Variants in CCN4 observed in about 807,000 individuals in gnomAD.
The protein encoded by CCN4 is CCN family member 4.
A neutral mutation model predicts 36.7 loss-of-function variants in CCN4; 30 were observed. The ratio of observed to expected loss-of-function variants is 0.82; its 90% CI spans 0.61 to 1.11. The LOEUF (loss-of-function observed/expected upper bound fraction) is 1.11. Among genes scored for constraint, CCN4 ranks in the 50% least tolerant of loss-of-function variants. The pLI is 0.00. For synonymous variants in CCN4, 191 were observed against 195.4 expected, an observed-to-expected ratio of 0.98 and a Z score of 0.19; for missense variants, 505 against 504.9, an observed-to-expected ratio of 1.00 and a Z score of 0.00.
intron 1 of CCN4, among the ~76,000 whole-genome samples, chr8:133,212,181 A>T (rs916632724): frequency 6.6e-6 from 1 of 152,068 alleles, no homozygotes; most frequent in Non-Finnish European, 1.5e-5. Flanking sequence ...CATTGCCCTG[A>T]CAGCAAAATA....
chr8:133,214,914 T>C (rs1463101517), intron 2 of CCN4, among the ~76,000 whole-genome samples: 1 of 152,238 alleles, frequency 6.6e-6, no homozygotes, highest in East Asian at 1.9e-4. Context: ...GAGGGTTATG[T>C]ACATCATTTG....
intron 1 of CCN4, among the ~76,000 whole-genome samples, chr8:133,196,433 A>G (rs570587570): frequency 3.3e-5 from 5 of 152,350 alleles, no homozygotes; most frequent in Admixed American, 6.5e-5. Context: ...GTTAAACACA[A>G]TCTATTATTC....
At chr8:133,204,957 C>A (rs1853715514) in intron 1 of CCN4, among the ~76,000 whole-genome samples, 1 of 152,230 alleles carries the variant, frequency 6.6e-6, no homozygotes, top group Non-Finnish European at 1.5e-5. Context: ...TCCTCCCAGG[C>A]CCCTTAGGTT....
At chr8:133,198,010 G>A (rs78274817) in intron 1 of CCN4, among the ~76,000 whole-genome samples, 3,433 of 152,218 alleles carry the variant, frequency 0.023, 75 homozygotes, top group Non-Finnish European at 0.032. Flanking sequence ...GAAGACCAGG[G>A]GGAAATAGCT....
chr8:133,205,634 T>C (rs2130555031), intron 1 of CCN4, among the ~76,000 whole-genome samples: 2 of 152,284 alleles, frequency 1.3e-5, no homozygotes. Flanking sequence ...GGCTCCTGCC[T>C]GTGGCTGGGG....
chr8:133,221,941 GA>G (rs1043242613), intron 3 of CCN4, among the ~76,000 whole-genome samples: 1 of 151,432 alleles, frequency 6.6e-6, no homozygotes, highest in African/African-American at 2.4e-5. Context: ...TGGATGGATG[GA>G]TAGATGTATA....
chr8:133,213,587 C>T (rs781488648), intron 2 of CCN4, among the ~76,000 whole-genome samples: 2 of 151,622 alleles, frequency 1.3e-5, no homozygotes, highest in Non-Finnish European at 2.9e-5. Flanking sequence ...TGAAAATCAG[C>T]AGCCTGCAGT....
chr8:133,230,337 GA>G lies in CCN4; in HGVS notation c.*2634del, dbSNP rs966554223. 1.3e-5 allele frequency: 2 copies of G among 152,124 alleles called. No individual in the cohort carries two copies. The highest frequency in any genetic ancestry group is 4.8e-5 in the African/African-American group (2 of 41,422). The allele number at this position is 152,124 out of a possible 1,614,324, so 9.4% of individuals were successfully genotyped here. ...AAAATTAAGAATAATAAATATAATG[GA>G]AAAAAATCTCCACTGATTGAGTGTT... On this transcript the variant is annotated 3_prime_UTR_variant, in exon 5 of 5. Transcript: ENST00000250160.
At chr8:133,203,302 G>T (rs1853655970) in intron 1 of CCN4, among the ~76,000 whole-genome samples, 1 of 152,214 alleles carries the variant, frequency 6.6e-6, no homozygotes. Context: ...TTCCCAGGGG[G>T]TGAGGACCCT....
chr8:133,196,995 A>G lies in CCN4; in HGVS notation c.69+5782A>G, dbSNP rs79354194. ...GGCATGTGTTCTAAAGATCCCACAG[A>G]TTCCATAGCCTGGCCAGCTTACCTG... On this transcript the variant is annotated intron_variant, in intron 1 of 4. Coordinates refer to ENST00000250160, the MANE Select transcript of CCN4 (RefSeq NM_003882.4). 1.2e-4 allele frequency among the ~76,000 whole-genome samples: 18 copies of G among 152,262 alleles called. 1 individual carries two copies. Among genetic ancestry groups the G allele is most frequent in the Non-Finnish European group, 2.6e-4 (18 of 68,032 alleles).
At chr8:133,226,999 G>A (rs1044115385) in intron 4 of CCN4, among the ~76,000 whole-genome samples, 5 of 152,198 alleles carry the variant, frequency 3.3e-5, no homozygotes, top group Non-Finnish European at 7.3e-5. Flanking sequence ...CAGGAGGGGC[G>A]GTTAGGGCAA....
At chr8:133,217,370 G>T (rs1854356460) in intron 2 of CCN4, among the ~76,000 whole-genome samples, 1 of 152,260 alleles carries the variant, frequency 6.6e-6, no homozygotes, top group Non-Finnish European at 1.5e-5. Flanking sequence ...CGATGGCAGA[G>T]CAAGTTGACT....
At chr8:133,196,906 T>G (rs956963) in intron 1 of CCN4, among the ~76,000 whole-genome samples, 2,852 of 152,154 alleles carry the variant, frequency 0.019, 97 homozygotes, top group African/African-American at 0.064. Context: ...TCAGCACCAG[T>G]TGGCTAGGAG....
At chr8:133,208,810 C>T (rs1265387069) in intron 1 of CCN4, among the ~76,000 whole-genome samples, 1 of 152,196 alleles carries the variant, frequency 6.6e-6, no homozygotes, top group African/African-American at 2.4e-5. Flanking sequence ...ATCCCACAGG[C>T]AGGTCTGCTT....
At chr8:133,205,755 C>T (rs1241048454) in intron 1 of CCN4, among the ~76,000 whole-genome samples, 1 of 152,136 alleles carries the variant, frequency 6.6e-6, no homozygotes, top group African/African-American at 2.4e-5. Flanking sequence ...GCCCCAGCCC[C>T]CAGAAGGAAA....
intron 1 of CCN4, among the ~76,000 whole-genome samples, chr8:133,210,424 T>TC (rs1181628510): frequency 6.7e-6 from 1 of 149,108 alleles, no homozygotes. Context: ...TGTGTGTGTT[T>TC]ACTGATTCGG....
intron 1 of CCN4, among the ~76,000 whole-genome samples, chr8:133,201,264 G>C (rs1853577984): frequency 6.6e-6 from 1 of 152,148 alleles, no homozygotes; most frequent in Non-Finnish European, 1.5e-5. Flanking sequence ...AATAATAACA[G>C]CAGCCTGCCT....
intron 1 of CCN4, among the ~76,000 whole-genome samples, chr8:133,191,518 C>T (rs939883071): frequency 2.6e-5 from 4 of 152,106 alleles, no homozygotes; most frequent in Non-Finnish European, 2.9e-5. Flanking sequence ...GAGTCAGGGG[C>T]CCGGGCTCCA....
chr8:133,210,289 T>C (rs1853959315), intron 1 of CCN4, among the ~76,000 whole-genome samples: 1 of 151,982 alleles, frequency 6.6e-6, no homozygotes, highest in Non-Finnish European at 1.5e-5. Flanking sequence ...CTGAGTGTGG[T>C]GGCTCTGAGA....
Sources: gnomAD v4.1 joint callset for allele counts (sites outside exome capture counted in the v4.1 genomes callset) on GRCh38, gnomAD v4.1.1 for gene constraint, MANE v1.5 for transcripts, NCBI Gene and HGNC (gene_info 2026-07-23, HGNC 2026-07-21) for gene names.